The following CR2 variants were observed in gnomAD, a reference collection of about 807,000 sequenced individuals.
CR2 encodes complement receptor type 2.
In CR2, 96 loss-of-function variants were observed where a neutral mutation model predicts 123.0. That is an observed-to-expected ratio of 0.78 (90% confidence interval 0.66 to 0.93). CR2 has a LOEUF of 0.93. Ranked by LOEUF, CR2 falls within the 40% of genes least tolerant of loss-of-function variation. The pLI, the probability that CR2 is intolerant of heterozygous loss-of-function variation, is 0.00. For missense variants in CR2, 1,258 were observed against 1,361.0 expected, an observed-to-expected ratio of 0.92 and a Z score of 1.19; for synonymous variants, 484 against 469.5, an observed-to-expected ratio of 1.03 and a Z score of -0.40.
intron 1 of CR2, among the ~76,000 whole-genome samples, chr1:207,459,990 C>T (rs548912271): frequency 2.0e-5 from 3 of 152,334 alleles, no homozygotes; most frequent in African/African-American, 4.8e-5. Flanking sequence ...AAGCACCCTT[C>T]TGCTTTTGCT....
At chr1:207,464,439 A>G (rs1327834737) in intron 1 of CR2, among the ~76,000 whole-genome samples, 1 of 152,242 alleles carries the variant, frequency 6.6e-6, no homozygotes, top group Admixed American at 6.5e-5. Context: ...CAGCAGCAGC[A>G]GGGAGAGGGG....
intron 6 of CR2, 44 bp from the exon 7 acceptor site, chr1:207,470,696 T>C: frequency 6.3e-7 from 1 of 1,586,946 alleles, no homozygotes; most frequent in Non-Finnish European, 8.6e-7. Flanking sequence ...TTTCTGTGGT[T>C]GTTTACTTAA....
Position 207,456,949 on chromosome 1 carries a change from A to G in CR2, c.58+2473A>G, listed in dbSNP as rs572288289. ...TTTTGAAATGCTCTTCCTACAAATT[A>G]TTCTTTGCCTGTCTCCTTGACATTC... On this transcript the variant is annotated intron_variant, in intron 1 of 19. Coordinates refer to ENST00000367057, the MANE Select transcript of CR2 (RefSeq NM_001006658.3). Among the ~76,000 whole-genome samples, 282 of 152,304 alleles carry G rather than the reference A, an allele frequency of 1.9e-3. 1 individual carries two copies. Among genetic ancestry groups the G allele is most frequent in the African/African-American group, 6.4e-3 (265 of 41,564 alleles).
At chr1:207,481,178 A>T (rs1658593029) in intron 18 of CR2, among the ~76,000 whole-genome samples, 1 of 152,038 alleles carries the variant, frequency 6.6e-6, no homozygotes, top group Non-Finnish European at 1.5e-5. Flanking sequence ...AAACATCTTA[A>T]TCCATTAGGA....
chr1:207,472,669 G>C, intron 9 of CR2, 103 bp from the exon 10 acceptor site: 1 of 1,211,698 alleles, frequency 8.3e-7, no homozygotes, highest in Non-Finnish European at 1.2e-6. Flanking sequence ...TACCCATACC[G>C]TCCAGGAAAC....
chr1:207,457,919 A>G (rs998219019), intron 1 of CR2, among the ~76,000 whole-genome samples: 1 of 151,992 alleles, frequency 6.6e-6, no homozygotes, highest in Non-Finnish European at 1.5e-5. Context: ...TTGATGACTC[A>G]TATTTATTAT....
At position 207,470,103 on chromosome 1, in the gene CR2, G is replaced by A; in HGVS notation, c.1225+1G>A. The A allele has an allele frequency of 6.2e-7, 1 of 1,613,478 alleles. No homozygotes were observed. Among genetic ancestry groups the A allele is most frequent in the Non-Finnish European group, 8.5e-7 (1 of 1,179,822 alleles). ...CCATCTGCACCAGTCTGTGAAAAGG[G>A]TGAGTGTTCCGGTACTCAGAAAAGG... On this transcript the variant is annotated splice_donor_variant, in intron 6 of 19. Coordinates refer to ENST00000367057, the MANE Select transcript of CR2 (RefSeq NM_001006658.3). LOFTEE classifies it high-confidence loss of function.
intron 6 of CR2, among the ~76,000 whole-genome samples, chr1:207,470,348 A>T (rs1558191262): frequency 2.0e-5 from 3 of 152,170 alleles, no homozygotes; most frequent in African/African-American, 7.2e-5. Flanking sequence ...AGGGGAAAAA[A>T]TGAGGAGAAA....
intron 18 of CR2, among the ~76,000 whole-genome samples, chr1:207,484,699 A>T (rs571510161): frequency 6.6e-6 from 1 of 152,346 alleles, no homozygotes; most frequent in East Asian, 1.9e-4. Flanking sequence ...AGAGCTTTAC[A>T]TGGTAGTATA....
intron 16 of CR2, among the ~76,000 whole-genome samples, chr1:207,478,525 C>CAAAA (rs36116544): frequency 0.016 from 891 of 57,358 alleles, no homozygotes; most frequent in East Asian, 0.02. Context: ...AAGACCCTAT[C>CAAAA]AAAAAAAAAA....
chr1:207,476,389 A>G lies in CR2; in HGVS notation c.2872A>G (p.Thr958Ala). The G allele has an allele frequency of 2.5e-6, 4 of 1,613,756 alleles. No individual in the cohort carries two copies. The highest frequency in any genetic ancestry group is 3.4e-6 in the Non-Finnish European group (4 of 1,179,858). The change falls in exon 15 of 20, where the codon ACC becomes GCC. Residue 958 changes from threonine (T) to alanine (A), a missense_variant. Physicochemically the swap from Thr to Ala is moderately conservative, Grantham distance 58. Transcript: ENST00000367057. ...ACTCCTTCTTTGCACACATGAGGGA[A>G]CCTGGAGCCAACCTGCCCCTCATTG... is the stretch of plus-strand genomic sequence containing the variant. ...EALLLCTHEG[T>A]WSQPAPHCKE...
intron 8 of CR2, 80 bp from the exon 9 acceptor site, chr1:207,471,343 G>T: frequency 9.0e-7 from 1 of 1,115,384 alleles, no homozygotes; most frequent in East Asian, 2.4e-5. Flanking sequence ...TGAAAGTAGT[G>T]AGTCTGCTTG....
At chr1:207,476,444 A>T (rs779070342) in intron 15 of CR2, 25 bp downstream of exon 15, 1 of 1,599,432 alleles carries the variant, frequency 6.3e-7, no homozygotes, top group Non-Finnish European at 8.5e-7. Flanking sequence ...TTTTATTCTT[A>T]TTTTTATATC....
rs142742821 is a variant in CR2, at chr1:207,469,899, G to A, written c.1022G>A (p.Arg341His). ...KTGTWSGPAP[R>H]CELSTSAVQC... ...GGGACCTGGAGTGGCCCTGCCCCAC[G>A]CTGTGAACTTTCTACTTCTGCGGTT... The change falls in exon 6 of 20, where the codon CGC becomes CAC. Residue 341 changes from arginine (R) to histidine (H), a missense_variant. Transcript: ENST00000367057. 6.2e-6 allele frequency: 10 copies of A among 1,613,830 alleles called. No individual in the cohort carries two copies. In the African/African-American group the frequency reaches 6.7e-5, roughly 11 times the overall value.
In CR2 at chr1:207,469,200, G is replaced by T; in HGVS notation, c.785G>T (p.Gly262Val). The change falls in exon 5 of 20, where the codon GGA becomes GTA. Residue 262 changes from glycine to valine, a missense_variant. Coordinates refer to ENST00000367057, the MANE Select transcript of CR2 (RefSeq NM_001006658.3). The part of the protein sequence containing the change: ...PSSRCVIAGQ[G>V]VAWTKMPVCE... ...AGTCGGTGTGTAATTGCTGGACAGG[G>T]AGTTGCTTGGACCAAAATGCCAGTA... 6.2e-7 allele frequency: 1 copy of T among 1,613,914 alleles called. No individual in the cohort carries two copies. The highest frequency in any genetic ancestry group is 1.1e-5 in the South Asian group (1 of 91,074).
intron 3 of CR2, 38 bp from the exon 4 acceptor site, chr1:207,468,762 A>C: frequency 6.2e-7 from 1 of 1,613,772 alleles, no homozygotes; most frequent in South Asian, 1.1e-5. Flanking sequence ...CTGTTCTGTT[A>C]TTTGCCATGC....
chr1:207,488,581 G>T (rs566541930), intron 19 of CR2, among the ~76,000 whole-genome samples: 2 of 152,232 alleles, frequency 1.3e-5, no homozygotes, highest in Admixed American at 6.5e-5. Flanking sequence ...CTGAGATCAC[G>T]CCACTGCACT....
chr1:207,471,987 C>T (rs1232913684), intron 9 of CR2: 2 of 209,082 alleles, frequency 9.6e-6, no homozygotes, highest in East Asian at 1.1e-4. Context: ...CAGTGGCTCA[C>T]GCCTATAATC....
At chr1:207,481,763 A>AT (rs1488222412) in intron 18 of CR2, among the ~76,000 whole-genome samples, 1 of 152,064 alleles carries the variant, frequency 6.6e-6, no homozygotes, top group Non-Finnish European at 1.5e-5. Context: ...AAAGTATCTT[A>AT]TTTTTATTGC....
Sources: allele counts gnomAD v4.1 joint callset (sites outside exome capture counted in the v4.1 genomes callset), GRCh38; gene constraint gnomAD v4.1.1; transcripts MANE v1.5; gene names NCBI Gene and HGNC (gene_info 2026-07-23, HGNC 2026-07-21).